MEMO1: variants seen among roughly 807,000 people sequenced by gnomAD.
The protein encoded by MEMO1 is protein MEMO1.
In MEMO1, 6 loss-of-function variants were observed where a neutral mutation model predicts 45.2. The observed-to-expected ratio is 0.13, with a 90% CI of 0.07 to 0.26. The LOEUF is 0.26. Among genes scored for constraint, MEMO1 ranks in the 10% least tolerant of loss-of-function variants. The pLI is 1.00. For missense variants in MEMO1, 184 were observed against 370.5 expected, an observed-to-expected ratio of 0.50 and a Z score of 4.13; for synonymous variants, 78 against 124.3, an observed-to-expected ratio of 0.63 and a Z score of 2.48.
chr2:31,979,939 T>C (rs1670442877), intron 2 of MEMO1, among the ~76,000 whole-genome samples: 1 of 151,542 alleles, frequency 6.6e-6, no homozygotes, highest in Non-Finnish European at 1.5e-5. Context: ...TAGCCATTTA[T>C]TAATATAACA....
chr2:31,873,630 T>C (rs1018339586), intron 8 of MEMO1, among the ~76,000 whole-genome samples: 4 of 151,900 alleles, frequency 2.6e-5, no homozygotes, highest in Non-Finnish European at 5.9e-5. Flanking sequence ...TGCAAAGGAG[T>C]AGCAAAACAT....
chr2:31,907,215 T>C (rs1224670949), intron 6 of MEMO1, among the ~76,000 whole-genome samples: 3 of 152,176 alleles, frequency 2.0e-5, no homozygotes, highest in African/African-American at 7.2e-5. Flanking sequence ...TATTACCTCT[T>C]TCCTCCCAAA....
intron 6 of MEMO1, among the ~76,000 whole-genome samples, chr2:31,908,458 G>A (rs1180707413): frequency 6.6e-6 from 1 of 151,904 alleles, no homozygotes; most frequent in African/African-American, 2.4e-5. Flanking sequence ...AAAAAAAAAC[G>A]TGAATTAAAA....
chr2:31,951,496 A>C (rs1221188719), intron 2 of MEMO1, among the ~76,000 whole-genome samples: 1 of 151,170 alleles, frequency 6.6e-6, no homozygotes, highest in Admixed American at 6.6e-5. Flanking sequence ...AGCCTTACCA[A>C]CTACAAAATC....
intron 6 of MEMO1, among the ~76,000 whole-genome samples, chr2:31,897,107 T>A (rs961344828): frequency 5.1e-4 from 78 of 152,324 alleles, no homozygotes; most frequent in Middle Eastern, 6.8e-3. Context: ...CTTATCAGCT[T>A]AAGGAGATTT....
Position 31,933,351 on chromosome 2 carries a change from TTATATATATATATATATATA to T in MEMO1, c.144-1236_144-1217del, listed in dbSNP as rs370773425. The stretch of plus-strand genomic sequence containing the variant: ...AAAAAAAAAAAAAAAAAAAAAAAAT[TTATATATATATATATATATA>T]TATATATATATAGAAAGGGGAAGAG... On this transcript the variant is annotated intron_variant, in intron 3 of 9. Transcript: ENST00000404530. Among the ~76,000 whole-genome samples, 185 of 45,092 alleles carry T rather than the reference TTATATATATATATATATATA, an allele frequency of 4.1e-3. 1 individual carries two copies. Among genetic ancestry groups the T allele is most frequent in the South Asian group, 0.015 (14 of 936 alleles). 29.6% of individuals were successfully genotyped at this position (45,092 alleles called of 152,430 possible).
chr2:31,909,111 C>T (rs1312612029), intron 6 of MEMO1, among the ~76,000 whole-genome samples: 1 of 152,166 alleles, frequency 6.6e-6, no homozygotes, highest in Non-Finnish European at 1.5e-5. Flanking sequence ...GAACATACTT[C>T]AACATGATAA....
intron 6 of MEMO1, among the ~76,000 whole-genome samples, chr2:31,914,186 T>C (rs756313915): frequency 2.0e-5 from 3 of 152,080 alleles, no homozygotes; most frequent in Non-Finnish European, 4.4e-5. Context: ...TCAAACTGCC[T>C]CAATTGGCAG....
chr2:31,933,353 AT>A (rs1558514396), intron 3 of MEMO1, among the ~76,000 whole-genome samples: 712 of 16,430 alleles, frequency 0.043, 29 homozygotes, highest in Non-Finnish European at 0.052. Flanking sequence ...AAAAAAATTT[AT>A]ATATATATAT....
chr2:31,964,904 A>G (rs1424546085), intron 2 of MEMO1, among the ~76,000 whole-genome samples: 2 of 151,778 alleles, frequency 1.3e-5, no homozygotes, highest in Non-Finnish European at 2.9e-5. Context: ...TATATACTGG[A>G]ATGTCTGCAG....
At chr2:31,976,965 C>T (rs1386149507) in intron 2 of MEMO1, among the ~76,000 whole-genome samples, 3 of 152,082 alleles carry the variant, frequency 2.0e-5, no homozygotes, top group African/African-American at 4.8e-5. Flanking sequence ...CAGCAACAGC[C>T]GTTTCCATCA....
chr2:31,949,258 G>A (rs1666542461), intron 2 of MEMO1, among the ~76,000 whole-genome samples: 1 of 152,088 alleles, frequency 6.6e-6, no homozygotes, highest in Admixed American at 6.6e-5. Context: ...TTTTCCTGCT[G>A]GGTATTTACC....
At chr2:31,900,660 C>G (rs1295088566) in intron 6 of MEMO1, among the ~76,000 whole-genome samples, 8 of 151,704 alleles carry the variant, frequency 5.3e-5, no homozygotes, top group Non-Finnish European at 1.2e-4. Context: ...TGCACTGTAT[C>G]CCAGAACTTA....
intron 4 of MEMO1, among the ~76,000 whole-genome samples, chr2:31,925,777 A>G (rs565914208): frequency 6.6e-6 from 1 of 152,358 alleles, no homozygotes; most frequent in Non-Finnish European, 1.5e-5. Context: ...ATGCACTAGC[A>G]GTCCTATTTT....
At chr2:31,930,124 G>A (rs1289319315) in intron 4 of MEMO1, among the ~76,000 whole-genome samples, 1 of 152,192 alleles carries the variant, frequency 6.6e-6, no homozygotes, top group Non-Finnish European at 1.5e-5. Context: ...TTAACTCAGT[G>A]TGGTGGCGTG....
At chr2:32,000,184 C>T (rs1673107412) in intron 2 of MEMO1, among the ~76,000 whole-genome samples, 1 of 151,896 alleles carries the variant, frequency 6.6e-6, no homozygotes, top group South Asian at 2.1e-4. Flanking sequence ...CAGCACCCAG[C>T]TCAAGTCTTT....
chr2:31,952,030 T>C (rs962842019), intron 2 of MEMO1, among the ~76,000 whole-genome samples: 2 of 152,152 alleles, frequency 1.3e-5, no homozygotes, highest in African/African-American at 4.8e-5. Flanking sequence ...GAAAATAGCA[T>C]GCCCTTGGTA....
intron 2 of MEMO1, among the ~76,000 whole-genome samples, chr2:31,954,617 G>T (rs895517995): frequency 6.6e-6 from 1 of 152,112 alleles, no homozygotes; most frequent in South Asian, 2.1e-4. Flanking sequence ...CGGATCATCT[G>T]AAGTCAGGAG....
chr2:31,890,186 A>G (rs1026741706), intron 7 of MEMO1, among the ~76,000 whole-genome samples: 4 of 152,170 alleles, frequency 2.6e-5, no homozygotes, highest in African/African-American at 9.6e-5. Context: ...CTGACGTTTT[A>G]TGTGAATTTA....
Sources: gnomAD v4.1 joint callset for allele counts (sites outside exome capture counted in the v4.1 genomes callset) on GRCh38, gnomAD v4.1.1 for gene constraint, MANE v1.5 for transcripts, NCBI Gene and HGNC (gene_info 2026-07-23, HGNC 2026-07-21) for gene names.